Variants in MSTO1 observed in about 807,000 individuals in gnomAD.
MSTO1 encodes the protein protein misato homolog 1.
A neutral mutation model predicts 55.7 loss-of-function variants in MSTO1; 24 were observed. That is an observed-to-expected ratio of 0.43 (90% confidence interval 0.31 to 0.61). The LOEUF (loss-of-function observed/expected upper bound fraction) is 0.61. Among genes scored for constraint, MSTO1 ranks in the 20% least tolerant of loss-of-function variants. The pLI is 0.09. For synonymous variants in MSTO1, 162 were observed against 252.8 expected, an observed-to-expected ratio of 0.64 and a Z score of 3.41; for missense variants, 363 against 625.7, an observed-to-expected ratio of 0.58 and a Z score of 4.48.
the MSTO1 span, among the ~76,000 whole-genome samples, chr1:155,579,843 G>A: frequency 3.9e-5 from 6 of 152,240 alleles, no homozygotes; most frequent in African/African-American, 9.6e-5. Flanking sequence ...TTGGGAGGCC[G>A]AGGCAGGCAG....
the MSTO1 span, chr1:155,590,470 T>C: frequency 2.1e-6 from 1 of 483,840 alleles, no homozygotes; most frequent in Non-Finnish European, 3.6e-6. Context: ...TTTAAATGAA[T>C]TTTAAATACC....
the MSTO1 span, chr1:155,563,825 A>C: frequency 2.9e-6 from 1 of 346,736 alleles, no homozygotes; most frequent in Non-Finnish European, 5.6e-6. Context: ...TCCTAGGCAT[A>C]GGGAAAGTGC....
chr1:155,595,046 G>A, the MSTO1 span, among the ~76,000 whole-genome samples: 2 of 150,914 alleles, frequency 1.3e-5, no homozygotes, highest in Non-Finnish European at 2.9e-5. Context: ...GCTGAGGCAT[G>A]AGAATTGCTT....
the MSTO1 span, among the ~76,000 whole-genome samples, chr1:155,591,493 G>T: frequency 3.3e-5 from 5 of 152,244 alleles, no homozygotes; most frequent in African/African-American, 9.6e-5. Context: ...AAGAACTAAA[G>T]ATTTCATTTT....
At chr1:155,596,243 C>T in the MSTO1 span, among the ~76,000 whole-genome samples, 1 of 152,170 alleles carries the variant, frequency 6.6e-6, no homozygotes, top group Non-Finnish European at 1.5e-5. Flanking sequence ...TGTCTTTCAG[C>T]TTTCTCTGTA....
the MSTO1 span, among the ~76,000 whole-genome samples, chr1:155,593,753 G>A: frequency 6.6e-6 from 1 of 152,064 alleles, no homozygotes; most frequent in Non-Finnish European, 1.5e-5. Context: ...CAGATCACGA[G>A]GTCAGGAGAT....
chr1:155,577,233 C>T, the MSTO1 span, among the ~76,000 whole-genome samples: 2 of 151,206 alleles, frequency 1.3e-5, no homozygotes, highest in Non-Finnish European at 2.9e-5. Context: ...GGACTACAGG[C>T]GCCTGCCACC....
the MSTO1 span, chr1:155,586,801 G>A: frequency 1.5e-4 from 50 of 332,410 alleles, 1 homozygote; most frequent in African/African-American, 8.4e-4. Flanking sequence ...TGGCTGGAGC[G>A]CAGTGGCGCA....
At chr1:155,605,568 A>G (rs1672924429), upstream of MSTO1, among the ~76,000 whole-genome samples, 1 of 152,154 alleles carries the variant, frequency 6.6e-6, no homozygotes, top group African/African-American at 2.4e-5. Flanking sequence ...CAGAACTTTC[A>G]GAGTGGGAGG....
chr1:155,585,522 CAAAAAAAAAAAA>C, the MSTO1 span, among the ~76,000 whole-genome samples: 10 of 56,922 alleles, frequency 1.8e-4, no homozygotes, highest in South Asian at 1.2e-3. Context: ...GACTCCGTCT[CAAAAAAAAAAAA>C]AAAAAAGAAA....
chr1:155,584,270 G>C, the MSTO1 span, among the ~76,000 whole-genome samples: 8 of 152,142 alleles, frequency 5.3e-5, no homozygotes, highest in East Asian at 1.6e-3. Flanking sequence ...GAAGTGGGAG[G>C]ATCGCTTGAA....
chr1:155,603,537 A>C, the MSTO1 span, among the ~76,000 whole-genome samples: 1 of 152,138 alleles, frequency 6.6e-6, no homozygotes, highest in Admixed American at 6.5e-5. Flanking sequence ...CGATTAACAC[A>C]CTTCTCCTAA....
At chr1:155,584,009 T>C in the MSTO1 span, among the ~76,000 whole-genome samples, 1 of 152,104 alleles carries the variant, frequency 6.6e-6, no homozygotes, top group African/African-American at 2.4e-5. Context: ...CTCTGTGTAG[T>C]GTGGGCGTGT....
At chr1:155,572,171 C>T in the MSTO1 span, among the ~76,000 whole-genome samples, 2 of 152,132 alleles carry the variant, frequency 1.3e-5, no homozygotes, top group African/African-American at 2.4e-5. Flanking sequence ...GTGGGGGACT[C>T]CCTGTGCATT....
chr1:155,587,745 G>GAAAAAA, the MSTO1 span, among the ~76,000 whole-genome samples: 7 of 47,422 alleles, frequency 1.5e-4, no homozygotes, highest in Non-Finnish European at 1.7e-4. Context: ...CTCCGTCTCA[G>GAAAAAA]AAAAAAAAAA....
At chr1:155,570,850 G>C in the MSTO1 span, among the ~76,000 whole-genome samples, 2 of 152,226 alleles carry the variant, frequency 1.3e-5, no homozygotes, top group African/African-American at 4.8e-5. Flanking sequence ...CCTGCAGTGG[G>C]ATCTCCCGAG....
upstream of MSTO1, chr1:155,609,975 G>C: frequency 2.1e-6 from 1 of 473,986 alleles, no homozygotes; most frequent in East Asian, 3.8e-5. Flanking sequence ...AGTCAGCGGC[G>C]GAGACGGCGC....
the MSTO1 span, among the ~76,000 whole-genome samples, chr1:155,604,374 C>T: frequency 3.3e-5 from 5 of 152,120 alleles, no homozygotes; most frequent in African/African-American, 9.7e-5. Context: ...ATCATACAGC[C>T]GTGTACTCTG....
At chr1:155,575,796 T>TTTTA in the MSTO1 span, among the ~76,000 whole-genome samples, 19,259 of 144,546 alleles carry the variant, frequency 0.13, 1,705 homozygotes, top group African/African-American at 0.26. Context: ...CTTATTTTAT[T>TTTTA]TTTATTTATT....
Sources: gnomAD v4.1 joint callset for allele counts (sites outside exome capture counted in the v4.1 genomes callset) on GRCh38, gnomAD v4.1.1 for gene constraint, MANE v1.5 for transcripts, NCBI Gene and HGNC (gene_info 2026-07-23, HGNC 2026-07-21) for gene names.